The following IL19 variants were observed in gnomAD, a reference collection of about 807,000 sequenced individuals.
IL19 encodes the protein interleukin-19.
A neutral mutation model predicts 19.5 loss-of-function variants in IL19; 15 were observed. The ratio of observed to expected loss-of-function variants is 0.77; its 90% confidence interval spans 0.52 to 1.19. The LOEUF (loss-of-function observed/expected upper bound fraction) is 1.19. IL19 is among the 50% of genes most tolerant of loss of function. IL19 has a pLI of 0.00. For missense variants in IL19, 199 were observed against 213.1 expected, an observed-to-expected ratio of 0.93 and a Z score of 0.41; for synonymous variants, 78 against 78.3, an observed-to-expected ratio of 1.00 and a Z score of 0.02.
chr1:206,822,834 T>G (rs1676320504), intron 2 of IL19, among the ~76,000 whole-genome samples: 1 of 152,210 alleles, frequency 6.6e-6, no homozygotes, highest in African/African-American at 2.4e-5. Context: ...CCCAGCTGAA[T>G]GAATGTGTAA....
At chr1:206,797,370 G>A (rs985566308) in intron 1 of IL19, among the ~76,000 whole-genome samples, 1 of 152,090 alleles carries the variant, frequency 6.6e-6, no homozygotes, top group African/African-American at 2.4e-5. Context: ...CAGACACATG[G>A]ACGTCAGAGG....
chr1:206,831,874 T>A (rs1056061661), intron 2 of IL19, among the ~76,000 whole-genome samples: 12 of 152,366 alleles, frequency 7.9e-5, no homozygotes, highest in African/African-American at 2.6e-4. Flanking sequence ...CCCTGCAAGC[T>A]TCCTGATATG....
chr1:206,807,760 G>A (rs1012921219), intron 2 of IL19, among the ~76,000 whole-genome samples: 3 of 152,122 alleles, frequency 2.0e-5, no homozygotes, highest in African/African-American at 7.2e-5. Flanking sequence ...TGAATTCCCA[G>A]GTCTTAGCAC....
chr1:206,817,883 C>T (rs1676201080), intron 2 of IL19, among the ~76,000 whole-genome samples: 1 of 152,066 alleles, frequency 6.6e-6, no homozygotes, highest in Admixed American at 6.6e-5. Flanking sequence ...CCTGCCTCAG[C>T]CTCCTGAGTA....
chr1:206,814,690 TCACACACACACACACA>T (rs34474731), intron 2 of IL19, among the ~76,000 whole-genome samples: 1 of 140,570 alleles, frequency 7.1e-6, no homozygotes, highest in African/African-American at 2.7e-5. Flanking sequence ...TGAAACTCTG[TCACACACACACACACA>T]CACACACACA....
At chr1:206,828,114 T>A (rs2102479533) in intron 2 of IL19, among the ~76,000 whole-genome samples, 1 of 152,430 alleles carries the variant, frequency 6.6e-6, no homozygotes, top group Middle Eastern at 3.4e-3. Flanking sequence ...TCTGGTTTAA[T>A]AAAACATGAC....
chr1:206,829,175 C>T (rs1676522266), intron 2 of IL19: 1 of 152,134 alleles, frequency 6.6e-6, no homozygotes. Flanking sequence ...AAAGGACTCT[C>T]CCCACCCAAT....
At chr1:206,774,724 C>T (rs530865661) in intron 1 of IL19, among the ~76,000 whole-genome samples, 1 of 152,284 alleles carries the variant, frequency 6.6e-6, no homozygotes, top group South Asian at 2.1e-4. Context: ...TTTTATTAAT[C>T]TTTGCGTACT....
In IL19 at chr1:206,838,537, G is replaced by C. The variant is rs1176501238; in HGVS notation, c.211-1313G>C. Among the ~76,000 whole-genome samples the C allele has an allele frequency of 2.6e-5, 4 of 152,280 alleles. No homozygotes were observed. In the East Asian group the frequency reaches 5.8e-4, roughly 22 times the overall value. Reference sequence around the variant, plus strand: ...TATGACAGCTAGAAGGGACCCAAAAGACCATCTATTCCAAAACCATCATTT... The same window carrying C: ...TATGACAGCTAGAAGGGACCCAAAACACCATCTATTCCAAAACCATCATTT... On this transcript the variant is annotated intron_variant, in intron 4 of 6. Transcript: ENST00000659997.
chr1:206,770,870 G>A lies in IL19; in HGVS notation c.-357G>A. The A allele has an allele frequency of 6.2e-7, 1 of 1,606,874 alleles. No individual in the cohort carries two copies. The highest frequency in any genetic ancestry group is 8.5e-7 in the Non-Finnish European group (1 of 1,173,390). On this transcript the variant is annotated 5_prime_UTR_variant, in exon 1 of 7. Coordinates refer to ENST00000659997, the MANE Select transcript of IL19 (RefSeq NM_153758.5). ...TGGTCTGTAGGAGATGGTATTTTGGGGGCAGCTGCAAGGGAAAAAACTGAT... is the reference window on the plus strand; with the variant it reads ...TGGTCTGTAGGAGATGGTATTTTGGAGGCAGCTGCAAGGGAAAAAACTGAT...
In IL19 at chr1:206,842,653, T is replaced by C. The variant is rs1384905461; in HGVS notation, c.*31T>C. On this transcript the variant is annotated 3_prime_UTR_variant, in exon 7 of 7. Coordinates refer to ENST00000659997, the MANE Select transcript of IL19 (RefSeq NM_153758.5). ...AGGAACCTGTATAGTGATCCAGGGA[T>C]GAACACCCCCTGTGCGGTTTACTGT... The C allele has an allele frequency of 1.5e-6, 2 of 1,319,294 alleles. No individual in the cohort carries two copies. The highest frequency in any genetic ancestry group is 2.1e-6 in the Non-Finnish European group (2 of 934,644). 81.7% of individuals were successfully genotyped at this position (1,319,294 alleles called of 1,614,324 possible).
chr1:206,791,683 C>T (rs1407148378), intron 1 of IL19, among the ~76,000 whole-genome samples: 2 of 152,242 alleles, frequency 1.3e-5, no homozygotes, highest in Non-Finnish European at 1.5e-5. Flanking sequence ...CCAGTGGCCT[C>T]TCACTAGCGT....
chr1:206,824,761 A>G (rs936277445), intron 2 of IL19, among the ~76,000 whole-genome samples: 2 of 152,208 alleles, frequency 1.3e-5, no homozygotes, highest in Non-Finnish European at 2.9e-5. Flanking sequence ...TGAGTCTAAA[A>G]GAAAAAAATC....
chr1:206,798,657 C>T lies in IL19; in HGVS notation c.-148-204C>T, dbSNP rs139085304. Among the ~76,000 whole-genome samples, 41 of 151,846 alleles carry T rather than the reference C, an allele frequency of 2.7e-4. No homozygotes were observed. The East Asian group carries it at 5.0e-3, about 19-fold the overall frequency. On this transcript the variant is annotated intron_variant, in intron 1 of 6. Coordinates refer to ENST00000659997, the MANE Select transcript of IL19 (RefSeq NM_153758.5). ...TTTACCAAATGTCAGAGTCCCACAGCGCACCGAGAAACACCACTGTCCTCC... is the reference window on the plus strand; with the variant it reads ...TTTACCAAATGTCAGAGTCCCACAGTGCACCGAGAAACACCACTGTCCTCC...
At chr1:206,838,464 C>A (rs1676875610) in intron 4 of IL19, among the ~76,000 whole-genome samples, 1 of 152,174 alleles carries the variant, frequency 6.6e-6, no homozygotes, top group Non-Finnish European at 1.5e-5. Context: ...AGAGATGTAG[C>A]CACTTACTAA....
intron 1 of IL19, chr1:206,771,479 T>C: frequency 2.3e-6 from 3 of 1,310,834 alleles, no homozygotes; most frequent in Non-Finnish European, 3.2e-6. Flanking sequence ...TGCGGTCTTT[T>C]TGATGCCCTT....
intron 1 of IL19, among the ~76,000 whole-genome samples, chr1:206,790,520 G>A (rs190883162): frequency 1.3e-4 from 20 of 152,296 alleles, no homozygotes; most frequent in Admixed American, 2.6e-4. Context: ...GATAAACAAC[G>A]TTGAGTCTCA....
intron 2 of IL19, among the ~76,000 whole-genome samples, chr1:206,817,420 C>A (rs1314843791): frequency 6.6e-6 from 1 of 152,174 alleles, no homozygotes; most frequent in East Asian, 1.9e-4. Flanking sequence ...CTTTTCTTTT[C>A]TCAAAAACTC....
chr1:206,842,550 TA>T lies in IL19; in HGVS notation c.465del (p.Lys155AsnfsTer10). 1 of 1,573,522 alleles carries T rather than the reference TA, an allele frequency of 6.4e-7. No individual in the cohort carries two copies. ...DQLEVHAAAIKSLGELDVFLA... is the reference protein window; with the variant it reads ...DQLEVHAAAIXSLGELDVFLA... Reference sequence around the variant, plus strand: ...AGCTGGAGGTCCACGCTGCTGCCATTAAATCCCTGGGAGAGCTCGACGTCTT... The same window carrying T: ...AGCTGGAGGTCCACGCTGCTGCCATTAATCCCTGGGAGAGCTCGACGTCTT... On this transcript the variant is annotated frameshift_variant, in exon 7 of 7. Transcript: ENST00000659997. LOFTEE classifies it high-confidence loss of function.
Sources: gnomAD v4.1 joint callset for allele counts (sites outside exome capture counted in the v4.1 genomes callset) on GRCh38, gnomAD v4.1.1 for gene constraint, MANE v1.5 for transcripts, NCBI Gene and HGNC (gene_info 2026-07-23, HGNC 2026-07-21) for gene names.